Variants in CGNL1 observed in about 807,000 individuals in gnomAD.
CGNL1 encodes cingulin-like protein 1.
Under a neutral mutation model 141.2 loss-of-function variants are expected in CGNL1, and 132 were observed. The ratio of observed to expected loss-of-function variants is 0.93; its 90% CI spans 0.81 to 1.08. CGNL1 has a LOEUF of 1.08. Among genes scored for constraint, CGNL1 ranks in the 50% least tolerant of loss-of-function variants. CGNL1 has a pLI of 0.00. For synonymous variants in CGNL1, 690 were observed against 622.1 expected (o/e 1.11, Z -1.63); for missense variants, 1,870 against 1,588.6 (o/e 1.18, Z -3.01).
intron 8 of CGNL1, among the ~76,000 whole-genome samples, chr15:57,492,236 A>G (rs373873247): frequency 6.6e-6 from 1 of 152,188 alleles, no homozygotes; most frequent in South Asian, 2.1e-4. Flanking sequence ...GGCACATCTT[A>G]AGGGAGGTTA....
intron 8 of CGNL1, among the ~76,000 whole-genome samples, chr15:57,491,077 AG>A (rs1280234043): frequency 1.3e-5 from 2 of 152,172 alleles, no homozygotes; most frequent in Non-Finnish European, 2.9e-5. Context: ...ATCAAGAGTC[AG>A]AAAAGGATGT....
At chr15:57,445,199 C>A (rs772344132) in intron 4 of CGNL1, among the ~76,000 whole-genome samples, 1 of 152,170 alleles carries the variant, frequency 6.6e-6, no homozygotes, top group Non-Finnish European at 1.5e-5. Context: ...GTGGAGGCTG[C>A]AGTGAGCTAT....
chr15:57,465,210 T>A (rs552243043), intron 8 of CGNL1, among the ~76,000 whole-genome samples: 7 of 152,284 alleles, frequency 4.6e-5, no homozygotes, highest in African/African-American at 1.7e-4. Context: ...ATATTATTTA[T>A]GTCTTGGTAT....
intron 1 of CGNL1, among the ~76,000 whole-genome samples, chr15:57,432,659 C>A (rs1595697524): frequency 1.3e-5 from 2 of 152,154 alleles, no homozygotes; most frequent in African/African-American, 4.8e-5. Flanking sequence ...GGATTGTAAA[C>A]GTGGCCCAGT....
intron 14 of CGNL1, among the ~76,000 whole-genome samples, chr15:57,535,788 G>A (rs1191987347): frequency 2.6e-5 from 4 of 152,210 alleles, no homozygotes; most frequent in Non-Finnish European, 5.9e-5. Flanking sequence ...AGGGGTGGGG[G>A]TGAGGACTGG....
chr15:57,516,051 C>T (rs1344856868), intron 8 of CGNL1, among the ~76,000 whole-genome samples: 5 of 148,642 alleles, frequency 3.4e-5, no homozygotes, highest in South Asian at 2.2e-4. Flanking sequence ...CCCAGCTACT[C>T]GGGAGGCTGA....
intron 8 of CGNL1, among the ~76,000 whole-genome samples, chr15:57,465,023 A>T (rs113785663): frequency 3.9e-5 from 6 of 152,052 alleles, no homozygotes; most frequent in Non-Finnish European, 8.8e-5. Context: ...AAGTGCTGGG[A>T]TTACAGATGT....
At chr15:57,419,674 C>T (rs1441916375) in intron 1 of CGNL1, among the ~76,000 whole-genome samples, 2 of 152,094 alleles carry the variant, frequency 1.3e-5, no homozygotes, top group African/African-American at 2.4e-5. Flanking sequence ...GATAAAGCAC[C>T]CTTCTCATCA....
chr15:57,429,988 T>A (rs576114881), intron 1 of CGNL1, among the ~76,000 whole-genome samples: 29 of 152,286 alleles, frequency 1.9e-4, no homozygotes, highest in African/African-American at 7.0e-4. Flanking sequence ...TTTTTGTATT[T>A]TTCATAGAGA....
chr15:57,398,129 A>G lies in CGNL1; in HGVS notation c.-16+21562A>G, dbSNP rs79771596. On this transcript the variant is annotated intron_variant, in intron 1 of 18. Transcript: ENST00000281282. ...TCACTTTTAATTGTAATGAGAAAAA[A>G]CCAATAGATGCTTATTGTAAAGCAT... Among the ~76,000 whole-genome samples the G allele has an allele frequency of 6.3e-3, 961 of 152,320 alleles. 6 individuals are homozygous for G. Among genetic ancestry groups the G allele is most frequent in the African/African-American group, 0.022 (930 of 41,554 alleles).
At chr15:57,458,490 C>G (rs1332616902) in intron 7 of CGNL1, among the ~76,000 whole-genome samples, 1 of 152,170 alleles carries the variant, frequency 6.6e-6, no homozygotes, top group Admixed American at 6.5e-5. Context: ...CCATAAAAAC[C>G]TCAGTCTTGA....
intron 18 of CGNL1, 62 bp from the exon 19 acceptor site, chr15:57,547,293 G>A (rs2032919078): frequency 1.3e-6 from 2 of 1,590,248 alleles, no homozygotes; most frequent in Non-Finnish European, 1.7e-6. Flanking sequence ...CTCCCTTTAA[G>A]TCCAAATTAG....
intron 10 of CGNL1, among the ~76,000 whole-genome samples, chr15:57,522,417 A>G (rs1350406243): frequency 1.3e-5 from 2 of 152,216 alleles, no homozygotes; most frequent in African/African-American, 4.8e-5. Context: ...AGCAGCTTGT[A>G]AACTGTTAAG....
intron 1 of CGNL1, among the ~76,000 whole-genome samples, chr15:57,416,300 T>G (rs1283854161): frequency 6.6e-6 from 1 of 151,924 alleles, no homozygotes; most frequent in African/African-American, 2.4e-5. Context: ...TTGTTCAGAG[T>G]TGCAGGTTGG....
In CGNL1 at chr15:57,534,208, C is replaced by T. The variant is rs553475223; in HGVS notation, c.3291+2429C>T. Among the ~76,000 whole-genome samples, 11 of 152,334 alleles carry T rather than the reference C, an allele frequency of 7.2e-5. No homozygotes were observed. The South Asian group carries it at 2.1e-3, about 29-fold the overall frequency. ...TCCACCAATGTCTATAACCTCTTTC[C>T]CTACCAGCTCTCTTTCCCTCTTCTG... is the stretch of plus-strand genomic sequence containing the variant. On this transcript the variant is annotated intron_variant, in intron 14 of 18. Coordinates refer to ENST00000281282, the MANE Select transcript of CGNL1 (RefSeq NM_032866.5).
chr15:57,445,001 C>T (rs2063233761), intron 4 of CGNL1, among the ~76,000 whole-genome samples: 1 of 152,160 alleles, frequency 6.6e-6, no homozygotes, highest in Admixed American at 6.5e-5. Flanking sequence ...GTCCCTCACA[C>T]CTGTAACCCC....
chr15:57,387,949 C>G (rs1335457171), intron 1 of CGNL1, among the ~76,000 whole-genome samples: 3 of 152,208 alleles, frequency 2.0e-5, no homozygotes, highest in Non-Finnish European at 2.9e-5. Context: ...ATCCTGCCCC[C>G]CTCAGCTGCC....
rs780525556 is a variant in CGNL1, at chr15:57,451,494, TTATAGGCTTG to T, written c.1804-3_1810del. 10 of 1,592,108 alleles carry T rather than the reference TTATAGGCTTG, an allele frequency of 6.3e-6. No homozygotes were observed. Among genetic ancestry groups the T allele is most frequent in the Non-Finnish European group, 7.7e-6 (9 of 1,164,416 alleles). On this transcript the variant is annotated splice_acceptor_variant and splice_polypyrimidine_tract_variant and coding_sequence_variant and intron_variant, in exon 5 of 19. Transcript: ENST00000281282. LOFTEE classifies it high-confidence loss of function. ...TAAATTAGTATATCTTTGCAATTAA[TTATAGGCTTG>T]TAATTCCACATCTGAAGTCAAAGAT... is the stretch of plus-strand genomic sequence containing the variant.
chr15:57,434,866 C>T (rs1326689669), intron 1 of CGNL1, among the ~76,000 whole-genome samples: 1 of 152,074 alleles, frequency 6.6e-6, no homozygotes, highest in African/African-American at 2.4e-5. Context: ...AGGACTTTTT[C>T]TTAGAAAACT....
Sources: gnomAD v4.1 joint callset for allele counts (sites outside exome capture counted in the v4.1 genomes callset) on GRCh38, gnomAD v4.1.1 for gene constraint, MANE v1.5 for transcripts, NCBI Gene and HGNC (gene_info 2026-07-23, HGNC 2026-07-21) for gene names.